The following HPSE2 variants were observed in gnomAD, a reference collection of about 807,000 sequenced individuals.
HPSE2 encodes the protein heparanase 2 (inactive).
HPSE2 carries 38 observed loss-of-function variants against 60.5 expected under a neutral mutation model. The observed-to-expected ratio is 0.63, with a 90% CI of 0.48 to 0.82. The LOEUF (loss-of-function observed/expected upper bound fraction) is 0.82. Among genes scored for constraint, HPSE2 ranks in the 40% least tolerant of loss-of-function variants. The probability of loss-of-function intolerance (pLI) is 0.00; values close to 1 mark genes in which losing one functional copy is unlikely to be tolerated. For synonymous variants in HPSE2, 295 were observed against 293.2 expected (o/e 1.01, Z -0.06); for missense variants, 713 against 740.4 (o/e 0.96, Z 0.43).
intron 2 of HPSE2, among the ~76,000 whole-genome samples, chr10:99,223,912 T>C (rs1849391332): frequency 6.6e-6 from 1 of 152,038 alleles, no homozygotes; most frequent in Non-Finnish European, 1.5e-5. Context: ...AAATTTTCAA[T>C]TTCAGGGGAG....
chr10:99,197,206 T>C (rs186365014), intron 2 of HPSE2, among the ~76,000 whole-genome samples: 92 of 152,198 alleles, frequency 6.0e-4, no homozygotes, highest in Admixed American at 2.4e-3. Context: ...GTAAAAGGAT[T>C]GTTACCAGAG....
At chr10:98,936,205 G>A (rs1431552577) in intron 3 of HPSE2, among the ~76,000 whole-genome samples, 1 of 144,302 alleles carries the variant, frequency 6.9e-6, no homozygotes, top group African/African-American at 2.8e-5. Flanking sequence ...CTTGCAATGG[G>A]AATTTCAAGC....
chr10:98,514,171 A>G (rs931664511), intron 9 of HPSE2, among the ~76,000 whole-genome samples: 3 of 152,190 alleles, frequency 2.0e-5, no homozygotes, highest in African/African-American at 7.2e-5. Flanking sequence ...AATAAGCCAG[A>G]CACAAAAGGA....
At chr10:99,089,666 T>G (rs1456594962) in intron 3 of HPSE2, among the ~76,000 whole-genome samples, 4 of 152,172 alleles carry the variant, frequency 2.6e-5, no homozygotes, top group African/African-American at 7.2e-5. Context: ...CTCTTTTTTT[T>G]GGCTCCATAT....
At chr10:99,283,505 T>TC in the HPSE2 span, among the ~76,000 whole-genome samples, 28 of 40,196 alleles carry the variant, frequency 7.0e-4, no homozygotes, top group African/African-American at 3.2e-3. Context: ...TCACAAAAAA[T>TC]CAAAAAAAAG....
chr10:98,607,384 G>C (rs906966242), intron 9 of HPSE2, among the ~76,000 whole-genome samples: 7 of 152,072 alleles, frequency 4.6e-5, no homozygotes, highest in African/African-American at 1.7e-4. Flanking sequence ...TGGCAGAGTG[G>C]GATTTTCAAT....
chr10:98,678,877 G>C (rs1487232097), intron 6 of HPSE2, among the ~76,000 whole-genome samples: 3 of 152,010 alleles, frequency 2.0e-5, no homozygotes, highest in South Asian at 2.1e-4. Flanking sequence ...TTTAAGTACA[G>C]GCATTTACTA....
At chr10:99,047,787 T>C (rs1441895197) in intron 3 of HPSE2, 3 of 833,500 alleles carry the variant, frequency 3.6e-6, no homozygotes, top group African/African-American at 1.7e-5. Context: ...AGGAAGCTTA[T>C]CTACAAAAAA....
intron 3 of HPSE2, among the ~76,000 whole-genome samples, chr10:98,881,195 T>A (rs1005046580): frequency 6.6e-6 from 1 of 152,092 alleles, no homozygotes; most frequent in African/African-American, 2.4e-5. Context: ...ATTCATAGAA[T>A]TAGCAGGGCT....
At chr10:98,682,902 A>T (rs1206076259) in intron 6 of HPSE2, among the ~76,000 whole-genome samples, 1 of 152,168 alleles carries the variant, frequency 6.6e-6, no homozygotes, top group Non-Finnish European at 1.5e-5. Flanking sequence ...TAGAGACTGA[A>T]CTACAGTCAG....
Position 98,678,692 on chromosome 10 carries a change from T to A in HPSE2, c.1004+15208A>T, listed in dbSNP as rs547415315. On this transcript the variant is annotated intron_variant, in intron 6 of 11. Transcript: ENST00000370552. ...GGTCTCTGGTGGAGGTTCTTAAAAATTTTTTTGGTCTCTGGTGGGAGCTAG... is the reference window on the plus strand; with the variant it reads ...GGTCTCTGGTGGAGGTTCTTAAAAAATTTTTTGGTCTCTGGTGGGAGCTAG... Among the ~76,000 whole-genome samples, 67 of 152,156 alleles carry A rather than the reference T, an allele frequency of 4.4e-4. 1 individual carries two copies. Among genetic ancestry groups the A allele is most frequent in the African/African-American group, 1.6e-3 (67 of 41,518 alleles).
chr10:99,265,912 G>T, the HPSE2 span, among the ~76,000 whole-genome samples: 10 of 152,218 alleles, frequency 6.6e-5, no homozygotes, highest in African/African-American at 2.4e-4. Context: ...CTTACCTGGA[G>T]CAGAGACAAA....
chr10:99,080,724 G>A (rs1236981949), intron 3 of HPSE2, among the ~76,000 whole-genome samples: 3 of 152,182 alleles, frequency 2.0e-5, no homozygotes. Flanking sequence ...CATCATTCAA[G>A]TGGCAGATGG....
At chr10:98,624,759 T>C (rs1589526646) in intron 7 of HPSE2, among the ~76,000 whole-genome samples, 1 of 152,264 alleles carries the variant, frequency 6.6e-6, no homozygotes, top group East Asian at 1.9e-4. Context: ...CCTGATAGGA[T>C]TGTGTTAAGG....
chr10:98,555,082 G>A (rs1943966327), intron 9 of HPSE2, among the ~76,000 whole-genome samples: 1 of 152,136 alleles, frequency 6.6e-6, no homozygotes, highest in Non-Finnish European at 1.5e-5. Context: ...AACTTCCTAT[G>A]CCACTAATGG....
chr10:98,940,711 G>A (rs1341527913), intron 3 of HPSE2, among the ~76,000 whole-genome samples: 1 of 141,560 alleles, frequency 7.1e-6, no homozygotes, highest in Non-Finnish European at 1.5e-5. Flanking sequence ...GAAAAAGAGG[G>A]AATCCTCCCT....
chr10:98,560,801 T>C (rs1944151343), intron 9 of HPSE2, among the ~76,000 whole-genome samples: 1 of 152,220 alleles, frequency 6.6e-6, no homozygotes, highest in Non-Finnish European at 1.5e-5. Flanking sequence ...GCCATTGTAA[T>C]GTAGTGTGAC....
chr10:98,986,787 G>A (rs11189922), intron 3 of HPSE2, among the ~76,000 whole-genome samples: 71,129 of 150,278 alleles, frequency 0.47, 18,799 homozygotes, highest in East Asian at 0.62. Flanking sequence ...TCAAATAGAC[G>A]CAATAAAAAA....
chr10:98,702,619 G>C (rs1158993411), intron 5 of HPSE2, among the ~76,000 whole-genome samples: 1 of 152,134 alleles, frequency 6.6e-6, no homozygotes. Context: ...TAGAACTCAG[G>C]ATTAAGAAAC....
Sources: gnomAD v4.1 joint callset for allele counts (sites outside exome capture counted in the v4.1 genomes callset) on GRCh38, gnomAD v4.1.1 for gene constraint, MANE v1.5 for transcripts, NCBI Gene and HGNC (gene_info 2026-07-23, HGNC 2026-07-21) for gene names.